ABLIM2: variants seen among roughly 807,000 people sequenced by gnomAD.
ABLIM2 encodes actin-binding LIM protein 2.
A neutral mutation model predicts 97.7 loss-of-function variants in ABLIM2; 53 were observed. The observed-to-expected ratio is 0.54, with a 90% CI of 0.44 to 0.68. The LOEUF is 0.68. ABLIM2 is among the 30% of genes least tolerant of loss of function. The probability of loss-of-function intolerance (pLI) is 0.00; values close to 1 mark genes in which losing one functional copy is unlikely to be tolerated. For synonymous variants in ABLIM2, 361 were observed against 345.8 expected (o/e 1.04, Z -0.49); for missense variants, 835 against 867.2 (o/e 0.96, Z 0.47).
chr4:8,101,023 C>G (rs867090225), intron 2 of ABLIM2, among the ~76,000 whole-genome samples: 4 of 152,358 alleles, frequency 2.6e-5, no homozygotes, highest in Non-Finnish European at 2.9e-5. Context: ...CAGGGGAAAG[C>G]TGGGAGGAAT....
At position 8,043,479 on chromosome 4, in the gene ABLIM2, C is replaced by T. The variant is rs1410280444; in HGVS notation, c.900+1685G>A. ...TAACCCTCAGGACCTCAGAATGTGA[C>T]TGCATTTGGATGCAGGGCCTTAAGA... On this transcript the variant is annotated intron_variant, in intron 9 of 20. Transcript: ENST00000447017. This position sits in a 1 kb window ranked among gnomAD's most constrained non-coding sequence, Gnocchi z 4.8. Among the ~76,000 whole-genome samples, 6 of 152,188 alleles carry T rather than the reference C, an allele frequency of 3.9e-5. No individual in the cohort carries two copies. Among genetic ancestry groups the T allele is most frequent in the African/African-American group, 1.4e-4 (6 of 41,444 alleles).
chr4:8,030,761 C>A (rs1190541316), intron 10 of ABLIM2, among the ~76,000 whole-genome samples: 1 of 152,240 alleles, frequency 6.6e-6, no homozygotes, highest in Non-Finnish European at 1.5e-5. Context: ...TTACAGGTGT[C>A]CTGGCTCCTT....
intron 1 of ABLIM2, among the ~76,000 whole-genome samples, chr4:8,109,671 G>T (rs1645211711): frequency 6.6e-6 from 1 of 152,238 alleles, no homozygotes. Context: ...TTCCAGGCCA[G>T]GGGTTCCAAA....
chr4:7,987,781 G>A (rs1745565640), intron 17 of ABLIM2, among the ~76,000 whole-genome samples: 1 of 152,204 alleles, frequency 6.6e-6, no homozygotes, highest in African/African-American at 2.4e-5. Flanking sequence ...AGCAGGGAAA[G>A]TGGGGTCTAC....
rs1049959849 is a variant in ABLIM2 at position 8,054,378 on chromosome 4, G to A, written c.764-132C>T. On this transcript the variant is annotated intron_variant, in intron 7 of 20. Coordinates refer to ENST00000447017, the MANE Select transcript of ABLIM2 (RefSeq NM_001130083.2). The surrounding 1 kb of genome is among the most constrained non-coding windows in gnomAD (Gnocchi z 4.9). ...CGGACTCCACCCTCCAAGCGGCCCT[G>A]AGCATCCTCTCTGTGCTGGAGTTAG... The A allele has an allele frequency of 4.3e-6, 4 of 927,468 alleles. No individual in the cohort carries two copies. The South Asian group carries it at 4.5e-5, about 10-fold the overall frequency. 57.5% of individuals were successfully genotyped at this position (927,468 alleles called of 1,614,324 possible). A position where few individuals can be genotyped will look rare whatever the true frequency, so the allele number is the denominator to read the frequency against.
intron 9 of ABLIM2, 85 bp from the exon 10 acceptor site, chr4:8,036,380 A>C (rs1784476191): frequency 6.6e-7 from 1 of 1,505,182 alleles, no homozygotes; most frequent in Non-Finnish European, 9.0e-7. Flanking sequence ...TGCATCCCAC[A>C]GGACAGTGCC....
Position 8,097,215 on chromosome 4 carries a change from G to T in ABLIM2, c.222C>A (p.Asp74Glu), listed in dbSNP as rs779273091. The part of the protein sequence containing the change: ...VRQGEYICTL[D>E]YQRLYGTRCF... ...AGCGGGTGCCGTAGAGCCTCTGGTA[G>T]TCCAGCGTGCAGATGTACTCGCCCT... Residue 74 changes from aspartate (D) to glutamate (E), a missense_variant, in exon 3 of 21, where the codon GAC becomes GAA. Transcript: ENST00000447017. The T allele has an allele frequency of 6.3e-6, 10 of 1,586,514 alleles. No homozygotes were observed. Among genetic ancestry groups the T allele is most frequent in the Non-Finnish European group, 8.6e-6 (10 of 1,167,286 alleles).
Position 8,033,739 on chromosome 4 carries a change from G to C in ABLIM2, c.1047+2410C>G, listed in dbSNP as rs896336164. ...GGGTCAGGATCATCCATGGTTCACA[G>C]ATGTCCTGCCATTTGAGAGGCGCAG... On this transcript the variant is annotated intron_variant, in intron 10 of 20. Coordinates refer to ENST00000447017, the MANE Select transcript of ABLIM2 (RefSeq NM_001130083.2). The surrounding 1 kb of genome is among the most constrained non-coding windows in gnomAD (Gnocchi z 4.5). Among the ~76,000 whole-genome samples, 3 of 152,242 alleles carry C rather than the reference G, an allele frequency of 2.0e-5. No individual in the cohort carries two copies. The highest frequency in any genetic ancestry group is 7.2e-5 in the African/African-American group (3 of 41,476).
chr4:8,085,801 C>G lies in ABLIM2; in HGVS notation c.454+2368G>C, dbSNP rs1823195796. On this transcript the variant is annotated intron_variant, in intron 4 of 20. Transcript: ENST00000447017. The surrounding 1 kb of genome is among the most constrained non-coding windows in gnomAD (Gnocchi z 6.1). The stretch of plus-strand genomic sequence containing the variant: ...CTGTAGCATCCTCCCCCTTCCAGAC[C>G]CACCTGCTGGAATTCAGCCTGCGTC... 6.6e-6 allele frequency among the ~76,000 whole-genome samples: 1 copy of G among 152,228 alleles called. No homozygotes were observed. Among genetic ancestry groups the G allele is most frequent in the South Asian group, 2.1e-4 (1 of 4,826 alleles).
At chr4:8,060,421 C>T (rs892951832) in intron 7 of ABLIM2, among the ~76,000 whole-genome samples, 1 of 152,170 alleles carries the variant, frequency 6.6e-6, no homozygotes, top group Admixed American at 6.5e-5. Flanking sequence ...CTACATTTTC[C>T]TCCAAATCCT....
intron 2 of ABLIM2, among the ~76,000 whole-genome samples, chr4:8,103,202 C>A (rs989289298): frequency 4.6e-5 from 7 of 152,112 alleles, no homozygotes; most frequent in African/African-American, 1.7e-4. Flanking sequence ...GTTAAGATGA[C>A]AAATATCCAT....
intron 14 of ABLIM2, among the ~76,000 whole-genome samples, chr4:8,012,621 C>T (rs1765811151): frequency 6.6e-6 from 1 of 151,756 alleles, no homozygotes; most frequent in African/African-American, 2.4e-5. Flanking sequence ...GCCACCCAAC[C>T]ATCCATCTAC....
Position 8,127,694 on chromosome 4 carries a change from TC to T in ABLIM2, c.11-21058del, listed in dbSNP as rs1848623578. 1 of 1,248,960 alleles carries T rather than the reference TC, an allele frequency of 8.0e-7. No individual in the cohort carries two copies. The highest frequency in any genetic ancestry group is 2.8e-4 in the Middle Eastern group (1 of 3,538). The allele number at this position is 1,248,960 out of a possible 1,614,324, so 77.4% of individuals were successfully genotyped here. A position where few individuals can be genotyped will look rare whatever the true frequency, so the allele number is the denominator to read the frequency against. ...GAAGAGCCTCTGTGGCCCACAGGGC[TC>T]CCACAAGGTCACGTGGCAGCTGCCA... On this transcript the variant is annotated intron_variant, in intron 1 of 20. Transcript: ENST00000447017. This position sits in a 1 kb window ranked among gnomAD's most constrained non-coding sequence, Gnocchi z 7.3.
Position 8,095,138 on chromosome 4 carries a change from C to G in ABLIM2, c.338+1961G>C, listed in dbSNP as rs931252412. 7.3e-5 allele frequency among the ~76,000 whole-genome samples: 11 copies of G among 150,532 alleles called. No individual in the cohort carries two copies. The highest frequency in any genetic ancestry group is 6.7e-4 in the Admixed American group (10 of 15,022). On this transcript the variant is annotated intron_variant, in intron 3 of 20. Coordinates refer to ENST00000447017, the MANE Select transcript of ABLIM2 (RefSeq NM_001130083.2). The surrounding 1 kb of genome is among the most constrained non-coding windows in gnomAD (Gnocchi z 4.7). ...TCTTTTCTTTCTACAGGGTCTTGCT[C>G]TGTTACCCAGGCTGGAGAGCAGTGG...
Position 8,032,805 on chromosome 4 carries a change from GGAAAA to G in ABLIM2, c.1048-3034_1048-3030del. ...ACACAGAGCCCTGATCCTCCAGACA[GGAAAA>G]GAACTCTACCCCGAGAGACACAAGT... On this transcript the variant is annotated intron_variant, in intron 10 of 20. Coordinates refer to ENST00000447017, the MANE Select transcript of ABLIM2 (RefSeq NM_001130083.2). This position sits in a 1 kb window ranked among gnomAD's most constrained non-coding sequence, Gnocchi z 4.3. 1.0e-6 allele frequency: 1 copy of G among 954,640 alleles called. No homozygotes were observed. Among genetic ancestry groups the G allele is most frequent in the Non-Finnish European group, 1.7e-6 (1 of 603,506 alleles). The allele number at this position is 954,640 out of a possible 1,614,324, so 59.1% of individuals were successfully genotyped here. A position where few individuals can be genotyped will look rare whatever the true frequency, so the allele number is the denominator to read the frequency against.
At chr4:7,969,246 G>A (rs1287834795) in intron 20 of ABLIM2, among the ~76,000 whole-genome samples, 4 of 152,118 alleles carry the variant, frequency 2.6e-5, no homozygotes, top group African/African-American at 9.7e-5. Context: ...TTGAGCTCAG[G>A]AGTTTGAGAT....
rs540461000 is a variant in ABLIM2, at chr4:8,110,089, G to C, written c.11-3452C>G. Among the ~76,000 whole-genome samples the C allele has an allele frequency of 7.9e-5, 12 of 152,352 alleles. No homozygotes were observed. The East Asian group carries it at 2.3e-3, about 29-fold the overall frequency. ...CTGAACTTCAAATGGTGCCTCTCTC[G>C]GCCACGCATGGCCCAGGCCATGGGG... On this transcript the variant is annotated intron_variant, in intron 1 of 20. Transcript: ENST00000447017.
chr4:8,117,817 G>A (rs1221907542), intron 1 of ABLIM2, among the ~76,000 whole-genome samples: 1 of 152,154 alleles, frequency 6.6e-6, no homozygotes. Flanking sequence ...ATTCCCATGT[G>A]GGCCTCTCTC....
rs1037337458 is a variant in ABLIM2 at position 8,071,655 on chromosome 4, G to C, written c.675+5973C>G. On this transcript the variant is annotated intron_variant, in intron 6 of 20. Transcript: ENST00000447017. The surrounding 1 kb of genome is among the most constrained non-coding windows in gnomAD (Gnocchi z 6.2). ...CAAAACGGGGGTGGGGGAACAGGTG[G>C]CTCCGAGGTCTCACACCTGACTGCT... 3.1e-6 allele frequency: 3 copies of C among 952,446 alleles called. No homozygotes were observed. The African/African-American group carries it at 5.3e-5, about 17-fold the overall frequency. The allele number at this position is 952,446 out of a possible 1,614,324, so 59.0% of individuals were successfully genotyped here. A position where few individuals can be genotyped will look rare whatever the true frequency, so the allele number is the denominator to read the frequency against.
Sources: gnomAD v4.1 joint callset for allele counts (sites outside exome capture counted in the v4.1 genomes callset) on GRCh38, gnomAD v4.1.1 for gene constraint, Gnocchi (gnomAD v3.1) non-coding constraint, MANE v1.5 for transcripts, NCBI Gene and HGNC (gene_info 2026-07-23, HGNC 2026-07-21) for gene names.